The following CDC42SE2 variants were observed in gnomAD, a reference collection of about 807,000 sequenced individuals.
The protein encoded by CDC42SE2 is CDC42 small effector 2.
A neutral mutation model predicts 11.5 loss-of-function variants in CDC42SE2; 3 were observed. That is an observed-to-expected ratio of 0.26 (90% CI 0.12 to 0.67). CDC42SE2 has a LOEUF of 0.67. CDC42SE2 is among the 30% of genes least tolerant of loss of function. CDC42SE2 has a pLI of 0.80. For missense variants in CDC42SE2, 82 were observed against 106.8 expected, an observed-to-expected ratio of 0.77 and a Z score of 1.02; for synonymous variants, 33 against 34.8, an observed-to-expected ratio of 0.95 and a Z score of 0.18.
At chr5:131,385,401 C>A in intron 3 of CDC42SE2, 142 bp from the exon 4 acceptor site, 1 of 549,750 alleles carries the variant, frequency 1.8e-6, no homozygotes, top group Non-Finnish European at 3.3e-6. Flanking sequence ...GGGATTTCAT[C>A]ATAAGAAGTA....
intron 1 of CDC42SE2, among the ~76,000 whole-genome samples, chr5:131,309,334 T>A (rs1265083201): frequency 6.6e-6 from 1 of 151,932 alleles, no homozygotes; most frequent in Non-Finnish European, 1.5e-5. Context: ...GATGTGCTGC[T>A]GGATTCGTTT....
chr5:131,239,487 T>G, the CDC42SE2 span, among the ~76,000 whole-genome samples: 1 of 152,210 alleles, frequency 6.6e-6, no homozygotes, highest in Non-Finnish European at 1.5e-5. Flanking sequence ...TTAAGGTTGC[T>G]TATCCTCCTG....
intron 3 of CDC42SE2, among the ~76,000 whole-genome samples, chr5:131,371,436 T>C (rs1431394742): frequency 6.6e-6 from 1 of 152,354 alleles, no homozygotes; most frequent in Middle Eastern, 3.4e-3. Context: ...CCATCTACTT[T>C]TGTCTATTGA....
intron 3 of CDC42SE2, among the ~76,000 whole-genome samples, chr5:131,384,903 G>A: frequency 8.7e-6 from 1 of 115,502 alleles, no homozygotes; most frequent in Non-Finnish European, 1.6e-5. Context: ...AACATAGCAA[G>A]ACTCCATCTC....
At chr5:131,235,115 T>A in the CDC42SE2 span, among the ~76,000 whole-genome samples, 3 of 151,944 alleles carry the variant, frequency 2.0e-5, no homozygotes, top group Non-Finnish European at 4.4e-5. Context: ...GTTCTCAAAC[T>A]CCTGACCTCG....
In CDC42SE2 at chr5:131,359,401, C is replaced by A; in HGVS notation, c.-93C>A. 1 of 888,858 alleles carries A rather than the reference C, an allele frequency of 1.1e-6. No individual in the cohort carries two copies. The highest frequency in any genetic ancestry group is 1.9e-6 in the Non-Finnish European group (1 of 518,708). 55.1% of individuals were successfully genotyped at this position (888,858 alleles called of 1,614,324 possible). A position where few individuals can be genotyped will look rare whatever the true frequency, so the allele number is the denominator to read the frequency against. On this transcript the variant is annotated 5_prime_UTR_variant, in exon 3 of 5. In the 5' UTR this introduces an upstream ATG that the reference lacks. Coordinates refer to ENST00000505065, the MANE Select transcript of CDC42SE2 (RefSeq NM_001375635.1). ...ATAATAAAATTTCATCTTGGCATCA[C>A]TGGACATCATCGTATTGAGGAGCGT...
chr5:131,334,898 G>T (rs1424103081), intron 2 of CDC42SE2, among the ~76,000 whole-genome samples: 1 of 151,902 alleles, frequency 6.6e-6, no homozygotes, highest in Non-Finnish European at 1.5e-5. Context: ...CAATTTTGTT[G>T]ATCTTTTCAA....
At chr5:131,212,766 C>T in the CDC42SE2 span, among the ~76,000 whole-genome samples, 13 of 151,990 alleles carry the variant, frequency 8.6e-5, no homozygotes, top group Non-Finnish European at 1.5e-5. Context: ...AAAGAAATAA[C>T]AAAAGATTAG....
the CDC42SE2 span, among the ~76,000 whole-genome samples, chr5:131,212,488 T>G: frequency 6.6e-6 from 1 of 152,208 alleles, no homozygotes; most frequent in Non-Finnish European, 1.5e-5. Flanking sequence ...CTTAGGCTTA[T>G]GGGTAGAGTT....
chr5:131,237,691 G>A, the CDC42SE2 span, among the ~76,000 whole-genome samples: 1 of 152,116 alleles, frequency 6.6e-6, no homozygotes, highest in Non-Finnish European at 1.5e-5. Context: ...CAATCCTCCT[G>A]CTCAGCCTCC....
At chr5:131,285,316 A>G (rs1216786868) in intron 1 of CDC42SE2, among the ~76,000 whole-genome samples, 1 of 152,074 alleles carries the variant, frequency 6.6e-6, no homozygotes, top group Non-Finnish European at 1.5e-5. Context: ...CGTAAAACCA[A>G]CAGTAGCTGT....
At chr5:131,266,663 G>A (rs1325762775) in intron 1 of CDC42SE2, among the ~76,000 whole-genome samples, 2 of 151,786 alleles carry the variant, frequency 1.3e-5, no homozygotes, top group African/African-American at 2.4e-5. Context: ...TCTCTGTGTT[G>A]GCCAGGCTGG....
At chr5:131,321,499 G>A (rs1173120234) in intron 2 of CDC42SE2, among the ~76,000 whole-genome samples, 1 of 152,054 alleles carries the variant, frequency 6.6e-6, no homozygotes, top group Non-Finnish European at 1.5e-5. Context: ...TCTTTAAAAT[G>A]GTACTGATAT....
chr5:131,297,920 A>T (rs1248229756), intron 1 of CDC42SE2, among the ~76,000 whole-genome samples: 1 of 152,000 alleles, frequency 6.6e-6, no homozygotes, highest in Non-Finnish European at 1.5e-5. Context: ...AATCTTAATG[A>T]CAGTTTTTCA....
At chr5:131,270,369 C>T (rs1035596208) in intron 1 of CDC42SE2, among the ~76,000 whole-genome samples, 6 of 152,074 alleles carry the variant, frequency 3.9e-5, no homozygotes, top group African/African-American at 9.6e-5. Flanking sequence ...AGTGAGACTC[C>T]GTCTCAAAGA....
In CDC42SE2 at chr5:131,385,560, T is replaced by C; in HGVS notation, c.72T>C (p.Ile24=). ...EQPQPKRRRR[I]DRSMIGEPTN... ...TATTTTAGAAAAGGCGACGGCGGATTGACAGAAGTATGATTGGAGAGCCCA... is the reference window on the plus strand; with the variant it reads ...TATTTTAGAAAAGGCGACGGCGGATCGACAGAAGTATGATTGGAGAGCCCA... Residue 24 remains isoleucine, a synonymous_variant, in exon 4 of 5, where the codon ATT becomes ATC. Transcript: ENST00000505065. The C allele has an allele frequency of 6.2e-7, 1 of 1,613,706 alleles. No homozygotes were observed. The highest frequency in any genetic ancestry group is 1.3e-5 in the African/African-American group (1 of 75,046).
chr5:131,273,416 A>G (rs937456536), intron 1 of CDC42SE2, among the ~76,000 whole-genome samples: 1 of 149,822 alleles, frequency 6.7e-6, no homozygotes, highest in Non-Finnish European at 1.5e-5. Context: ...TTGGCCTCCC[A>G]AAGTGCTGGG....
At chr5:131,343,796 A>G (rs1177681941) in intron 2 of CDC42SE2, among the ~76,000 whole-genome samples, 1 of 152,130 alleles carries the variant, frequency 6.6e-6, no homozygotes, top group East Asian at 1.9e-4. Flanking sequence ...GAGGAAGATT[A>G]TTAAAGAGAG....
intron 3 of CDC42SE2, among the ~76,000 whole-genome samples, chr5:131,380,093 A>AT (rs546106790): frequency 1.8e-3 from 271 of 150,174 alleles, no homozygotes; most frequent in Admixed American, 3.2e-3. Context: ...TGCCCAGCTA[A>AT]TTTTTTTTTC....
Sources: allele counts gnomAD v4.1 joint callset (sites outside exome capture counted in the v4.1 genomes callset), GRCh38; gene constraint gnomAD v4.1.1; transcripts MANE v1.5; gene names NCBI Gene and HGNC (gene_info 2026-07-23, HGNC 2026-07-21).